Variants in PTPN2 observed in about 807,000 individuals in gnomAD.
The protein encoded by PTPN2 is tyrosine-protein phosphatase non-receptor type 2.
PTPN2 carries 19 observed loss-of-function variants against 57.3 expected under a neutral mutation model. The observed-to-expected ratio is 0.33, with a 90% CI of 0.23 to 0.49. The LOEUF is 0.49. PTPN2 is among the 20% of genes least tolerant of loss of function. The pLI is 0.99. For synonymous variants in PTPN2, 153 were observed against 164.9 expected (o/e 0.93, Z 0.55); for missense variants, 358 against 501.1 (o/e 0.71, Z 2.73).
intron 2 of PTPN2, among the ~76,000 whole-genome samples, chr18:12,854,778 A>C (rs1053963657): frequency 1.3e-5 from 2 of 152,224 alleles, no homozygotes; most frequent in South Asian, 4.1e-4. Context: ...GAAGAAATAA[A>C]GGCAAAGTGA....
chr18:12,884,193 A>C lies in PTPN2; in HGVS notation c.-52T>G. 2.0e-6 allele frequency: 3 copies of C among 1,472,474 alleles called. No individual in the cohort carries two copies. The highest frequency in any genetic ancestry group is 2.8e-6 in the Non-Finnish European group (3 of 1,087,860). 91.2% of individuals were successfully genotyped at this position (1,472,474 alleles called of 1,614,324 possible). ...AGAGCCTGCGCCGGCGGAGAGGCTCAGGCCCCGCACGATCCGGGGAGAGCG... is the reference window on the plus strand; with the variant it reads ...AGAGCCTGCGCCGGCGGAGAGGCTCCGGCCCCGCACGATCCGGGGAGAGCG... On this transcript the variant is annotated 5_prime_UTR_variant, in exon 1 of 9. An upstream open reading frame in the 5' UTR loses its in-frame stop. Transcript: ENST00000309660.
chr18:12,821,784 G>A (rs1250063180), intron 5 of PTPN2, among the ~76,000 whole-genome samples: 1 of 152,172 alleles, frequency 6.6e-6, no homozygotes, highest in Non-Finnish European at 1.5e-5. Context: ...ACCAGGCTGA[G>A]CTGGGTCATG....
intron 8 of PTPN2, among the ~76,000 whole-genome samples, chr18:12,796,416 T>C (rs1375737061): frequency 1.3e-5 from 2 of 152,196 alleles, no homozygotes; most frequent in Non-Finnish European, 2.9e-5. Context: ...AAAAAAGCTA[T>C]ATGGTGAATC....
At chr18:12,833,215 C>T (rs1326436904) in intron 3 of PTPN2, among the ~76,000 whole-genome samples, 1 of 152,150 alleles carries the variant, frequency 6.6e-6, no homozygotes, top group African/African-American at 2.4e-5. Context: ...TAAAAAAATA[C>T]TAATTCATAA....
intron 7 of PTPN2, among the ~76,000 whole-genome samples, chr18:12,808,895 T>C (rs1411818501): frequency 2.0e-5 from 3 of 152,278 alleles, no homozygotes; most frequent in African/African-American, 7.2e-5. Context: ...TGAATCTTAA[T>C]CCACTTCTAA....
chr18:12,848,907 T>TTAAA (rs1398491741), intron 2 of PTPN2, among the ~76,000 whole-genome samples: 1 of 152,224 alleles, frequency 6.6e-6, no homozygotes, highest in Admixed American at 6.5e-5. Context: ...CATAAACAGA[T>TTAAA]TAAAAGACAG....
chr18:12,822,574 G>A (rs1234478037), intron 5 of PTPN2, among the ~76,000 whole-genome samples: 2 of 152,172 alleles, frequency 1.3e-5, no homozygotes, highest in Non-Finnish European at 2.9e-5. Context: ...CATTAGACTG[G>A]AGGAGGCGCA....
At chr18:12,876,383 T>C (rs1360417047) in intron 1 of PTPN2, among the ~76,000 whole-genome samples, 1 of 96,332 alleles carries the variant, frequency 1.0e-5, no homozygotes, top group Non-Finnish European at 1.9e-5. Context: ...AAAGGACCAC[T>C]TGAGCCAGGA....
Position 12,859,185 on chromosome 18 carries a change from T to C in PTPN2, c.139A>G (p.Arg47Gly), listed in dbSNP as rs2043701947. ...TTACATGGGCTTACATCTCTGTATC[T>C]GTTTCGATTTCTGTTTTCTGGAAAC... is the stretch of plus-strand genomic sequence containing the variant. ...AKFPENRNRN[R>G]YRDVSPYDHS... Residue 47 changes from arginine to glycine, a missense_variant, in exon 2 of 9, where the codon AGA (arginine) becomes GGA (glycine). By Grantham distance (125) the Arg-to-Gly change is moderately radical. Transcript: ENST00000309660. The C allele has an allele frequency of 6.2e-7, 1 of 1,612,970 alleles. No homozygotes were observed. The highest frequency in any genetic ancestry group is 1.7e-5 in the Admixed American group (1 of 59,982).
chr18:12,802,704 A>G (rs2041476676), intron 7 of PTPN2, among the ~76,000 whole-genome samples: 1 of 152,222 alleles, frequency 6.6e-6, no homozygotes, highest in African/African-American at 2.4e-5. Flanking sequence ...GAAAGAACAG[A>G]CTGTAGAGAA....
intron 1 of PTPN2, among the ~76,000 whole-genome samples, chr18:12,873,016 T>C (rs551610281): frequency 6.6e-6 from 1 of 151,742 alleles, no homozygotes; most frequent in East Asian, 1.9e-4. Flanking sequence ...AGGTCAGGAG[T>C]TCAAGACTGG....
In PTPN2 at chr18:12,794,160, G is replaced by C; in HGVS notation, c.*118C>G. On this transcript the variant is annotated 3_prime_UTR_variant, in exon 9 of 9. Transcript: ENST00000309660. ...GACTGTAAATATCACTTATCTGGTT[G>C]ATGTCTATTCTACTGCACCGTTTTT... 1 of 1,505,492 alleles carries C rather than the reference G, an allele frequency of 6.6e-7. No individual in the cohort carries two copies. The highest frequency in any genetic ancestry group is 8.8e-7 in the Non-Finnish European group (1 of 1,132,972). 93.3% of individuals were successfully genotyped at this position (1,505,492 alleles called of 1,614,324 possible). A position where few individuals can be genotyped will look rare whatever the true frequency, so the allele number is the denominator to read the frequency against.
At chr18:12,882,618 G>T (rs995423415) in intron 1 of PTPN2, among the ~76,000 whole-genome samples, 1 of 152,208 alleles carries the variant, frequency 6.6e-6, no homozygotes, top group Non-Finnish European at 1.5e-5. Context: ...TCTCTCACAT[G>T]AAGATTCCTA....
At chr18:12,839,669 C>T (rs1485353098) in intron 2 of PTPN2, 1 of 152,204 alleles carries the variant, frequency 6.6e-6, no homozygotes, top group African/African-American at 2.4e-5. Context: ...AGTAGCAGAA[C>T]TATCAAGAAC....
intron 1 of PTPN2, among the ~76,000 whole-genome samples, chr18:12,869,584 T>C (rs1204668168): frequency 6.6e-6 from 1 of 152,244 alleles, no homozygotes; most frequent in Non-Finnish European, 1.5e-5. Context: ...GTACATAGCT[T>C]TGTTCTATGT....
intron 2 of PTPN2, among the ~76,000 whole-genome samples, chr18:12,856,789 GT>G (rs1457406250): frequency 2.0e-5 from 3 of 152,050 alleles, no homozygotes. Context: ...GCTGGGCATG[GT>G]GGCTCATGAC....
At chr18:12,851,582 G>C (rs1007190104) in intron 2 of PTPN2, among the ~76,000 whole-genome samples, 1 of 151,860 alleles carries the variant, frequency 6.6e-6, no homozygotes, top group Non-Finnish European at 1.5e-5. Context: ...ACATGGATTT[G>C]TCAATTTCTC....
chr18:12,870,228 T>C (rs2044140853), intron 1 of PTPN2, among the ~76,000 whole-genome samples: 1 of 143,884 alleles, frequency 7.0e-6, no homozygotes, highest in African/African-American at 2.7e-5. Flanking sequence ...AGGTAGCAGA[T>C]ACAGATAGGA....
chr18:12,876,287 C>T (rs8085229), intron 1 of PTPN2, among the ~76,000 whole-genome samples: 2 of 51,184 alleles, frequency 3.9e-5, no homozygotes, highest in South Asian at 2.1e-3. Flanking sequence ...CCAACAAGAA[C>T]AACAACAAAA....
Sources: allele counts gnomAD v4.1 joint callset (sites outside exome capture counted in the v4.1 genomes callset), GRCh38; gene constraint gnomAD v4.1.1; transcripts MANE v1.5; gene names NCBI Gene and HGNC (gene_info 2026-07-23, HGNC 2026-07-21).